Variants in AGPAT3 observed in about 807,000 individuals in gnomAD.
The protein encoded by AGPAT3 is 1-acylglycerol-3-phosphate O-acyltransferase 3, also known as 1-acyl-sn-glycerol-3-phosphate acyltransferase gamma.
AGPAT3 carries 5 observed loss-of-function variants against 47.3 expected under a neutral mutation model. The observed-to-expected ratio is 0.11, with a 90% CI of 0.06 to 0.22. The LOEUF (loss-of-function observed/expected upper bound fraction) is 0.22, where lower values mean the gene tolerates loss of function less well. Among genes scored for constraint, AGPAT3 ranks in the 10% least tolerant of loss-of-function variants. The probability of loss-of-function intolerance (pLI) is 1.00; values close to 1 mark genes in which losing one functional copy is unlikely to be tolerated. For missense variants in AGPAT3, 315 were observed against 493.0 expected, an observed-to-expected ratio of 0.64 and a Z score of 3.42; for synonymous variants, 212 against 208.3, an observed-to-expected ratio of 1.02 and a Z score of -0.15.
intron 3 of AGPAT3, among the ~76,000 whole-genome samples, chr21:43,963,289 G>A (rs1463256093): frequency 6.6e-6 from 1 of 152,190 alleles, no homozygotes; most frequent in African/African-American, 2.4e-5. Context: ...GGGAAGAGAG[G>A]ATGCCTGAGG....
chr21:43,946,387 G>A (rs2087889201), intron 2 of AGPAT3, among the ~76,000 whole-genome samples: 1 of 152,114 alleles, frequency 6.6e-6, no homozygotes, highest in South Asian at 2.1e-4. Context: ...GTCACCTGAG[G>A]TCAAGAGTTC....
chr21:43,931,352 ATTG>A (rs2087236312), intron 2 of AGPAT3, among the ~76,000 whole-genome samples: 1 of 152,162 alleles, frequency 6.6e-6, no homozygotes. Context: ...GAAAGATTTT[ATTG>A]ACATCCTAAA....
At chr21:43,977,395 T>A (rs1346904091) in intron 7 of AGPAT3, among the ~76,000 whole-genome samples, 1 of 152,232 alleles carries the variant, frequency 6.6e-6, no homozygotes, top group Non-Finnish European at 1.5e-5. Context: ...AGCGCACACA[T>A]GACCACCCTT....
At chr21:43,910,999 C>T (rs1325298119) in intron 2 of AGPAT3, among the ~76,000 whole-genome samples, 2 of 152,218 alleles carry the variant, frequency 1.3e-5, no homozygotes. Context: ...TTACTCCATT[C>T]CACATCCCAC....
intron 2 of AGPAT3, among the ~76,000 whole-genome samples, chr21:43,921,717 G>T (rs1252077947): frequency 6.6e-6 from 1 of 152,184 alleles, no homozygotes; most frequent in Non-Finnish European, 1.5e-5. Context: ...CGCTGGGTCC[G>T]CAATCAAAAG....
intron 2 of AGPAT3, among the ~76,000 whole-genome samples, chr21:43,927,455 T>C (rs1326520741): frequency 6.6e-6 from 1 of 151,994 alleles, no homozygotes; most frequent in Non-Finnish European, 1.5e-5. Flanking sequence ...GAGGGCTGAG[T>C]TTTTGTTTCT....
intron 2 of AGPAT3, among the ~76,000 whole-genome samples, chr21:43,941,848 A>G (rs1569077898): frequency 6.6e-6 from 1 of 152,272 alleles, no homozygotes; most frequent in African/African-American, 2.4e-5. Flanking sequence ...CAGTTTCACA[A>G]ATGCTCAAAA....
chr21:43,961,877 G>A (rs947605582), intron 3 of AGPAT3, among the ~76,000 whole-genome samples: 1 of 152,174 alleles, frequency 6.6e-6, no homozygotes, highest in African/African-American at 2.4e-5. Context: ...TGCTGAAAAG[G>A]CTGTTTATGT....
At position 43,982,414 on chromosome 21, in the gene AGPAT3, A is replaced by G. The variant is rs371483292; in HGVS notation, c.*22A>G. Reference sequence around the variant, plus strand: ...ATAATTAATGGCTGTGACTGAACACACGCGGCCCTGACGGTGGTATCCAGT... The same window carrying G: ...ATAATTAATGGCTGTGACTGAACACGCGCGGCCCTGACGGTGGTATCCAGT... On this transcript the variant is annotated 3_prime_UTR_variant, in exon 10 of 10. Transcript: ENST00000291572. This position sits in a 1 kb window ranked among gnomAD's most constrained non-coding sequence, Gnocchi z 6.2. The G allele has an allele frequency of 2.0e-5, 31 of 1,572,598 alleles. No individual in the cohort carries two copies. Among genetic ancestry groups the G allele is most frequent in the Non-Finnish European group, 2.4e-5 (28 of 1,143,020 alleles).
chr21:43,897,446 G>A (rs936903606), intron 1 of AGPAT3, among the ~76,000 whole-genome samples: 1 of 151,980 alleles, frequency 6.6e-6, no homozygotes. Context: ...TCATCATCAT[G>A]GCCTGTTCTC....
intron 1 of AGPAT3, among the ~76,000 whole-genome samples, chr21:43,897,650 C>T (rs1385671783): frequency 6.6e-6 from 1 of 150,732 alleles, no homozygotes; most frequent in Non-Finnish European, 1.5e-5. Context: ...GCGCTCCTCA[C>T]ATCCCAGACG....
At chr21:43,909,886 G>A (rs1230420602) in intron 2 of AGPAT3, among the ~76,000 whole-genome samples, 1 of 152,126 alleles carries the variant, frequency 6.6e-6, no homozygotes, top group African/African-American at 2.4e-5. Context: ...ACGCTAGCCC[G>A]GTGGGGAGGG....
chr21:43,955,986 C>A lies in AGPAT3; in HGVS notation c.-48-3648C>A, dbSNP rs1333995295. On this transcript the variant is annotated intron_variant, in intron 2 of 9. Transcript: ENST00000291572. This position sits in a 1 kb window ranked among gnomAD's most constrained non-coding sequence, Gnocchi z 4.1. ...TGCTGTGGAGCCCGGGCATCTGCTT[C>A]TCGGAGCATCACAGCTGATGTGCTG... Among the ~76,000 whole-genome samples, 1 of 152,044 alleles carries A rather than the reference C, an allele frequency of 6.6e-6. No individual in the cohort carries two copies. Among genetic ancestry groups the A allele is most frequent in the African/African-American group, 2.4e-5 (1 of 41,402 alleles).
rs2085824324 is a variant in AGPAT3, at chr21:43,880,078, A to T, written c.-112+14733A>T. On this transcript the variant is annotated intron_variant, in intron 1 of 9. Transcript: ENST00000291572. The surrounding 1 kb of genome is among the most constrained non-coding windows in gnomAD (Gnocchi z 4.5). ...GCAGCCCTGCATCCCTTGCGTCCCC[A>T]GGCATCTTAGGAGCACTGTGGAAAC... Among the ~76,000 whole-genome samples the T allele has an allele frequency of 6.6e-6, 1 of 152,216 alleles. No homozygotes were observed. The highest frequency in any genetic ancestry group is 1.5e-5 in the Non-Finnish European group (1 of 68,030).
chr21:43,881,755 A>G (rs989876410), intron 1 of AGPAT3, among the ~76,000 whole-genome samples: 3 of 152,226 alleles, frequency 2.0e-5, no homozygotes, highest in Non-Finnish European at 4.4e-5. Context: ...TCCTGAGTTC[A>G]AGCCATTCTC....
At chr21:43,953,872 G>T (rs976881525) in intron 2 of AGPAT3, among the ~76,000 whole-genome samples, 1 of 152,228 alleles carries the variant, frequency 6.6e-6, no homozygotes, top group East Asian at 1.9e-4. Flanking sequence ...AGTGGCTCAT[G>T]CCTGTAATCC....
intron 1 of AGPAT3, among the ~76,000 whole-genome samples, chr21:43,869,088 T>G (rs2085569645): frequency 6.6e-6 from 1 of 152,248 alleles, no homozygotes; most frequent in Non-Finnish European, 1.5e-5. Flanking sequence ...CCGTACTTGC[T>G]GGACTGGGGG....
intron 1 of AGPAT3, among the ~76,000 whole-genome samples, chr21:43,894,391 T>G (rs1367701668): frequency 6.8e-6 from 1 of 146,608 alleles, no homozygotes; most frequent in Non-Finnish European, 1.5e-5. Flanking sequence ...TCTTTGGGTT[T>G]TCTATTTTTT....
chr21:43,929,063 C>A (rs1406296748), intron 2 of AGPAT3, among the ~76,000 whole-genome samples: 2 of 152,226 alleles, frequency 1.3e-5, no homozygotes, highest in Admixed American at 6.5e-5. Flanking sequence ...CGTGCGTTCT[C>A]GTTATTTCAC....
Sources: allele counts gnomAD v4.1 joint callset (sites outside exome capture counted in the v4.1 genomes callset), GRCh38; gene constraint gnomAD v4.1.1; non-coding constraint Gnocchi (gnomAD v3.1); transcripts MANE v1.5; gene names NCBI Gene and HGNC (gene_info 2026-07-23, HGNC 2026-07-21).